RNF216: variants seen among roughly 807,000 people sequenced by gnomAD.
RNF216 encodes the protein ring finger protein 216.
RNF216 carries 72 observed loss-of-function variants against 110.8 expected under a neutral mutation model. That is an observed-to-expected ratio of 0.65 (90% confidence interval 0.54 to 0.79). RNF216 has a LOEUF of 0.79. Ranked by LOEUF, RNF216 falls within the 30% of genes least tolerant of loss-of-function variation. The pLI, the probability that RNF216 is intolerant of heterozygous loss-of-function variation, is 0.00. For missense variants in RNF216, 1,342 were observed against 1,141.2 expected (o/e 1.18, Z -2.54); for synonymous variants, 495 against 407.5 (o/e 1.21, Z -2.59).
chr7:5,751,845 A>G (rs1467023920), intron 3 of RNF216, among the ~76,000 whole-genome samples: 1 of 150,554 alleles, frequency 6.6e-6, no homozygotes, highest in Non-Finnish European at 1.5e-5. Flanking sequence ...AAAAAAAAAA[A>G]AAAAAAAAAA....
chr7:5,745,300 T>C (rs527266025), intron 3 of RNF216, among the ~76,000 whole-genome samples: 23 of 152,276 alleles, frequency 1.5e-4, no homozygotes, highest in African/African-American at 5.5e-4. Flanking sequence ...TCTAAAAAAA[T>C]TTTTTTAAGT....
intron 5 of RNF216, 40 bp downstream of exon 5, chr7:5,739,236 C>A: frequency 1.3e-6 from 2 of 1,487,274 alleles, no homozygotes; most frequent in Non-Finnish European, 1.8e-6. Context: ...ATTTTACCAC[C>A]ACCACCACCA....
intron 13 of RNF216, among the ~76,000 whole-genome samples, chr7:5,695,688 A>G (rs968024608): frequency 6.6e-6 from 1 of 152,220 alleles, no homozygotes. Flanking sequence ...GCCACAGAAT[A>G]GTGTTCTCCC....
At chr7:5,708,820 G>A (rs1792468902) in intron 13 of RNF216, among the ~76,000 whole-genome samples, 1 of 152,086 alleles carries the variant, frequency 6.6e-6, no homozygotes, top group African/African-American at 2.4e-5. Context: ...TGAGACAGAA[G>A]CCAGTCCCTC....
chr7:5,668,623 A>G (rs1285208322), intron 13 of RNF216, among the ~76,000 whole-genome samples: 1 of 152,204 alleles, frequency 6.6e-6, no homozygotes, highest in Non-Finnish European at 1.5e-5. Context: ...TGAGGGTCAA[A>G]GGAGGGAGGA....
intron 13 of RNF216, among the ~76,000 whole-genome samples, chr7:5,669,173 G>T (rs555588544): frequency 6.6e-6 from 1 of 152,320 alleles, no homozygotes; most frequent in East Asian, 1.9e-4. Context: ...AGAGGAATAT[G>T]GGCGGTCGGG....
intron 15 of RNF216, among the ~76,000 whole-genome samples, chr7:5,625,198 G>GA (rs1386980914): frequency 6.6e-6 from 1 of 152,232 alleles, no homozygotes; most frequent in Non-Finnish European, 1.5e-5. Context: ...CAGCAAGCAG[G>GA]AAAGAGATAG....
intron 1 of RNF216, among the ~76,000 whole-genome samples, chr7:5,762,939 C>T (rs1447562013): frequency 6.6e-6 from 1 of 152,154 alleles, no homozygotes; most frequent in African/African-American, 2.4e-5. Context: ...CCATCCCTCT[C>T]TTCCTTTAAA....
At chr7:5,642,252 AC>A (rs1284450052) in intron 14 of RNF216, among the ~76,000 whole-genome samples, 1 of 149,150 alleles carries the variant, frequency 6.7e-6, no homozygotes, top group African/African-American at 2.5e-5. Context: ...TTGCTCTGTC[AC>A]CTAGCCTGGG....
intron 13 of RNF216, among the ~76,000 whole-genome samples, chr7:5,683,771 C>T (rs892547850): frequency 2.0e-5 from 3 of 152,134 alleles, no homozygotes; most frequent in Non-Finnish European, 1.5e-5. Flanking sequence ...AATCAATGAG[C>T]CATACAATTA....
At chr7:5,765,097 TA>T (rs1436884546) in intron 1 of RNF216, among the ~76,000 whole-genome samples, 5 of 141,108 alleles carry the variant, frequency 3.5e-5, no homozygotes, top group Non-Finnish European at 7.7e-5. Flanking sequence ...AAGGATGGGA[TA>T]AAACAATTTT....
At position 5,728,996 on chromosome 7, in the gene RNF216, G is replaced by C. The variant is rs116143885; in HGVS notation, c.1389+436C>G. On this transcript the variant is annotated intron_variant, in intron 7 of 16. Coordinates refer to ENST00000389902, the MANE Select transcript of RNF216 (RefSeq NM_207111.4). ...TAGGATCCTGCGGGGAGAACGCTGG[G>C]AGCTGTCAGTAGCTGCCCACTCTCT... 9.2e-3 allele frequency among the ~76,000 whole-genome samples: 1,398 copies of C among 152,224 alleles called. 23 individuals carry two copies. Among genetic ancestry groups the C allele is most frequent in the African/African-American group, 0.032 (1,338 of 41,538 alleles).
chr7:5,752,688 G>C (rs1795394510), intron 3 of RNF216, among the ~76,000 whole-genome samples, 158 bp downstream of exon 3: 1 of 152,166 alleles, frequency 6.6e-6, no homozygotes, highest in Non-Finnish European at 1.5e-5. Context: ...GAAACATACA[G>C]CTTCTAAATC....
At chr7:5,699,561 T>C (rs894807860) in intron 13 of RNF216, among the ~76,000 whole-genome samples, 3 of 152,250 alleles carry the variant, frequency 2.0e-5, no homozygotes, top group African/African-American at 7.2e-5. Context: ...CTTCACCCAC[T>C]ACCTCAGCAG....
chr7:5,700,568 A>G (rs748924383), intron 13 of RNF216, among the ~76,000 whole-genome samples: 2 of 152,124 alleles, frequency 1.3e-5, no homozygotes, highest in Non-Finnish European at 2.9e-5. Context: ...TCTGATCCCC[A>G]CAGGCTGTGA....
chr7:5,739,695 G>C (rs1794644225), intron 4 of RNF216: 1 of 459,744 alleles, frequency 2.2e-6, no homozygotes, highest in East Asian at 6.7e-5. Flanking sequence ...ACACAACCTA[G>C]TGCCTAGATA....
At chr7:5,718,555 T>A (rs1181269059) in intron 9 of RNF216, among the ~76,000 whole-genome samples, 2 of 151,828 alleles carry the variant, frequency 1.3e-5, no homozygotes, top group African/African-American at 4.8e-5. Flanking sequence ...CCACCCTTTT[T>A]TTTTTTTTTG....
In RNF216 at chr7:5,665,080, G is replaced by A. The variant is rs774460608; in HGVS notation, c.2062-12570C>T. On this transcript the variant is annotated intron_variant, in intron 13 of 16. Coordinates refer to ENST00000389902, the MANE Select transcript of RNF216 (RefSeq NM_207111.4). Reference sequence around the variant, plus strand: ...CCCAAAGTGCTGCGATTACAGGCACGAACCACCGCACCCAGCCAGGACACA... The same window carrying A: ...CCCAAAGTGCTGCGATTACAGGCACAAACCACCGCACCCAGCCAGGACACA... 5.9e-5 allele frequency among the ~76,000 whole-genome samples: 9 copies of A among 151,948 alleles called. No homozygotes were observed. In the East Asian group the frequency reaches 9.6e-4, roughly 16 times the overall value.
chr7:5,634,396 CTTAAGA>C (rs1313097592), intron 15 of RNF216, among the ~76,000 whole-genome samples: 2 of 152,196 alleles, frequency 1.3e-5, no homozygotes, highest in Non-Finnish European at 2.9e-5. Context: ...TTCCAAAGAG[CTTAAGA>C]TTTAGTTTCA....
Sources: allele counts gnomAD v4.1 joint callset (sites outside exome capture counted in the v4.1 genomes callset), GRCh38; gene constraint gnomAD v4.1.1; transcripts MANE v1.5; gene names NCBI Gene and HGNC (gene_info 2026-07-23, HGNC 2026-07-21).